TTLL1: variants seen among roughly 807,000 people sequenced by gnomAD.
The protein encoded by TTLL1 is polyglutamylase complex subunit TTLL1.
In TTLL1, 33 loss-of-function variants were observed where a neutral mutation model predicts 47.8. That is an observed-to-expected ratio of 0.69 (90% confidence interval 0.52 to 0.92). The LOEUF (loss-of-function observed/expected upper bound fraction) is 0.92. Ranked by LOEUF, TTLL1 falls within the 40% of genes least tolerant of loss-of-function variation. TTLL1 has a pLI of 0.00. For missense variants in TTLL1, 488 were observed against 547.5 expected (o/e 0.89, Z 1.08); for synonymous variants, 225 against 214.1 (o/e 1.05, Z -0.45).
intron 4 of TTLL1, among the ~76,000 whole-genome samples, chr22:43,069,373 CAG>C (rs778929561): frequency 9.5e-5 from 13 of 137,096 alleles, no homozygotes; most frequent in Non-Finnish European, 1.8e-4. Flanking sequence ...GCCTGGATGA[CAG>C]AGTGAGATTC....
intron 8 of TTLL1, among the ~76,000 whole-genome samples, chr22:43,056,025 G>A (rs571803452): frequency 1.3e-5 from 2 of 151,758 alleles, no homozygotes; most frequent in Non-Finnish European, 2.9e-5. Flanking sequence ...GATTACAGGC[G>A]TGAGCCACCA....
intron 10 of TTLL1, among the ~76,000 whole-genome samples, chr22:43,040,870 C>T (rs934719922): frequency 1.3e-5 from 2 of 152,244 alleles, no homozygotes; most frequent in Non-Finnish European, 2.9e-5. Flanking sequence ...ATGCCAGCTG[C>T]AGCTCCCCAG....
intron 4 of TTLL1, 38 bp from the exon 5 acceptor site, chr22:43,068,628 GC>G: frequency 7.2e-7 from 1 of 1,393,234 alleles, no homozygotes. Context: ...TAAGCAGCCA[GC>G]CCAACAGTGG....
At chr22:43,046,621 T>C (rs1926158720) in intron 9 of TTLL1, 48 bp from the exon 10 acceptor site, 1 of 1,599,288 alleles carries the variant, frequency 6.3e-7, no homozygotes, top group East Asian at 2.2e-5. Flanking sequence ...CTCGCTCTTT[T>C]GGAATGAAAA....
chr22:43,060,446 T>C (rs954872268), intron 7 of TTLL1, among the ~76,000 whole-genome samples: 6 of 152,152 alleles, frequency 3.9e-5, no homozygotes, highest in African/African-American at 1.4e-4. Context: ...TGCAGCAACA[T>C]CAGCTTGCCG....
At chr22:43,059,571 C>T (rs1200613066) in intron 7 of TTLL1, 44 bp from the exon 8 acceptor site, 2 of 1,574,168 alleles carry the variant, frequency 1.3e-6, no homozygotes, top group Admixed American at 1.8e-5. Flanking sequence ...GCTATGCACC[C>T]CAGAGGAACC....
intron 9 of TTLL1, among the ~76,000 whole-genome samples, chr22:43,051,149 C>T (rs942021381): frequency 1.2e-4 from 18 of 152,220 alleles, no homozygotes; most frequent in Non-Finnish European, 7.3e-5. Context: ...TCTTTTGTCC[C>T]CTTGGAGGCC....
intron 1 of TTLL1, among the ~76,000 whole-genome samples, chr22:43,080,526 C>T (rs1429619613): frequency 6.6e-6 from 1 of 151,462 alleles, no homozygotes; most frequent in Admixed American, 6.6e-5. Context: ...TCTCAAGCTG[C>T]CATACCACCC....
In TTLL1 at chr22:43,089,073, T is replaced by C. The variant is rs146589210; in HGVS notation, c.-90+204A>G. 3.7e-3 allele frequency among the ~76,000 whole-genome samples: 557 copies of C among 152,304 alleles called. 6 individuals are homozygous for C. Among genetic ancestry groups the C allele is most frequent in the African/African-American group, 0.012 (519 of 41,564 alleles). ...CAGTCGGACAGCACGAGGTAAGTCA[T>C]AGGAACTCAGCGGACGGAGAAAGGC... On this transcript the variant is annotated intron_variant, in intron 1 of 10. Transcript: ENST00000266254.
intron 10 of TTLL1, among the ~76,000 whole-genome samples, chr22:43,043,091 C>A (rs1344794995): frequency 6.6e-6 from 1 of 151,996 alleles, no homozygotes; most frequent in Non-Finnish European, 1.5e-5. Context: ...CAGGTGCCCA[C>A]CACCACGCCC....
At chr22:43,071,441 A>G (rs556641384) in intron 3 of TTLL1, among the ~76,000 whole-genome samples, 3 of 149,634 alleles carry the variant, frequency 2.0e-5, no homozygotes, top group African/African-American at 7.4e-5. Context: ...ATAGAGTTTT[A>G]CTCTGTTGCC....
chr22:43,061,502 T>C (rs1181662910), intron 7 of TTLL1, among the ~76,000 whole-genome samples: 1 of 152,208 alleles, frequency 6.6e-6, no homozygotes, highest in Non-Finnish European at 1.5e-5. Context: ...AATGCATATT[T>C]CATACCAATA....
intron 9 of TTLL1, 117 bp downstream of exon 9, chr22:43,051,684 C>T (rs919262427): frequency 2.2e-5 from 21 of 964,612 alleles, no homozygotes; most frequent in Non-Finnish European, 3.0e-5. Context: ...CATCAGTCCC[C>T]TTCCTGCCTG....
At chr22:43,075,425 C>T (rs373850414) in intron 3 of TTLL1, 49 bp downstream of exon 3, 67 of 1,502,744 alleles carry the variant, frequency 4.5e-5, no homozygotes, top group South Asian at 6.8e-5. Flanking sequence ...TTAGTAAAAC[C>T]GATACGTAAG....
chr22:43,078,518 AAAGAGAAGAG>A (rs897792677), intron 2 of TTLL1, among the ~76,000 whole-genome samples: 1 of 152,056 alleles, frequency 6.6e-6, no homozygotes, highest in Non-Finnish European at 1.5e-5. Flanking sequence ...AGGAAAAACA[AAAGAGAAGAG>A]AAGAGAAGAA....
At position 43,072,079 on chromosome 22, in the gene TTLL1, C is replaced by T. The variant is rs188146790; in HGVS notation, c.114-2235G>A. On this transcript the variant is annotated intron_variant, in intron 3 of 10. Transcript: ENST00000266254. ...GTCAATGTGGTCAAAGAGTCTTTCA[C>T]GAGGAAAGGACAAAGACCTCAACTT... 5.3e-4 allele frequency among the ~76,000 whole-genome samples: 80 copies of T among 152,098 alleles called. 1 individual carries two copies. The highest frequency in any genetic ancestry group is 1.2e-3 in the Admixed American group (19 of 15,256).
intron 8 of TTLL1, among the ~76,000 whole-genome samples, chr22:43,058,755 C>T (rs1601673802): frequency 6.6e-6 from 1 of 151,320 alleles, no homozygotes. Context: ...AGTGCAATGG[C>T]GCGATCGCGG....
At position 43,039,797 on chromosome 22, in the gene TTLL1, C is replaced by T. The variant is rs567102401; in HGVS notation, c.1251G>A (p.Ala417=). 2.4e-5 allele frequency: 39 copies of T among 1,613,012 alleles called. No homozygotes were observed. The highest frequency in any genetic ancestry group is 1.4e-4 in the South Asian group (13 of 91,010). Reference sequence around the variant, plus strand: ...GGACTCACTTCCAGGTGGTGAGGACCGCTCTCCCCGAGTCTCTCGATCGGC... The same window carrying T: ...GGACTCACTTCCAGGTGGTGAGGACTGCTCTCCCCGAGTCTCTCGATCGGC... The part of the protein sequence containing the change: ...RAGRSRDSGR[A]VLTTWK Residue 417 remains alanine, a synonymous_variant, in exon 11 of 11, where the codon GCG becomes GCA. Transcript: ENST00000266254.
At chr22:43,077,055 C>A (rs34180097) in intron 2 of TTLL1, among the ~76,000 whole-genome samples, 70,065 of 151,482 alleles carry the variant, frequency 0.46, 16,714 homozygotes, top group African/African-American at 0.57. Context: ...GAGCGGAGAT[C>A]GCACCACTGC....
Sources: allele counts gnomAD v4.1 joint callset (sites outside exome capture counted in the v4.1 genomes callset), GRCh38; gene constraint gnomAD v4.1.1; transcripts MANE v1.5; gene names NCBI Gene and HGNC (gene_info 2026-07-23, HGNC 2026-07-21).